AK2: variants seen among roughly 807,000 people sequenced by gnomAD.
AK2 encodes adenylate kinase 2, mitochondrial.
In AK2, 15 loss-of-function variants were observed where a neutral mutation model predicts 24.6. The observed-to-expected ratio is 0.61, with a 90% CI of 0.41 to 0.94. The LOEUF (loss-of-function observed/expected upper bound fraction) is 0.94, where lower values mean the gene tolerates loss of function less well. Ranked by LOEUF, AK2 falls within the 40% of genes least tolerant of loss-of-function variation. AK2 has a pLI of 0.00. For synonymous variants in AK2, 102 were observed against 114.0 expected (o/e 0.90, Z 0.67); for missense variants, 257 against 304.1 (o/e 0.85, Z 1.15).
rs934412181 is a variant in AK2 at position 33,008,954 on chromosome 1, C to G, written c.*4227G>C. The G allele has an allele frequency of 8.8e-6, 4 of 453,914 alleles. No individual in the cohort carries two copies. The highest frequency in any genetic ancestry group is 1.8e-5 in the Non-Finnish European group (4 of 226,798). The allele number at this position is 453,914 out of a possible 1,614,324, so 28.1% of individuals were successfully genotyped here. On this transcript the variant is annotated 3_prime_UTR_variant, in exon 6 of 6. Transcript: ENST00000672715. ...CAGGTTGGTTTGACAAACATTTCCC[C>G]ACAATTAGATGCATGATGACCAAGG...
intron 1 of AK2, among the ~76,000 whole-genome samples, chr1:33,035,157 A>C (rs899504454): frequency 6.6e-6 from 1 of 152,236 alleles, no homozygotes; most frequent in Non-Finnish European, 1.5e-5. Flanking sequence ...TGAGTGTGGC[A>C]GCAACAGGAA....
chr1:33,012,772 C>T lies in AK2; in HGVS notation c.*409G>A, dbSNP rs916450440. 3.6e-5 allele frequency: 35 copies of T among 962,382 alleles called. No individual in the cohort carries two copies. Among genetic ancestry groups the T allele is most frequent in the Non-Finnish European group, 4.8e-5 (33 of 692,224 alleles). The allele number at this position is 962,382 out of a possible 1,614,324, so 59.6% of individuals were successfully genotyped here. A position where few individuals can be genotyped will look rare whatever the true frequency, so the allele number is the denominator to read the frequency against. ...ATCAGCCAGGTGTTGTGGCATGCAC[C>T]TGTAGTCCCAGCTGCTCAGGAGGCT... On this transcript the variant is annotated 3_prime_UTR_variant, in exon 6 of 6. Coordinates refer to ENST00000672715, the MANE Select transcript of AK2 (RefSeq NM_001625.4).
intron 2 of AK2, among the ~76,000 whole-genome samples, chr1:33,023,886 C>T (rs10914643): frequency 0.34 from 52,114 of 152,018 alleles, 9,375 homozygotes; most frequent in African/African-American, 0.44. Context: ...AAAAGTCTTA[C>T]AAGGCCAAGT....
rs140164254 is a variant in AK2 at position 33,034,527 on chromosome 1, T to C, written c.93+2209A>G. Reference sequence around the variant, plus strand: ...TCCAGTATCATTGTGAATGTTTAGTTGATGAGGGCAAGAACTTTATCAGTC... The same window carrying C: ...TCCAGTATCATTGTGAATGTTTAGTCGATGAGGGCAAGAACTTTATCAGTC... On this transcript the variant is annotated intron_variant, in intron 1 of 5. Transcript: ENST00000672715. 4.6e-4 allele frequency among the ~76,000 whole-genome samples: 70 copies of C among 152,064 alleles called. 1 individual carries two copies. The highest frequency in any genetic ancestry group is 1.7e-3 in the African/African-American group (69 of 41,446).
Position 33,009,645 on chromosome 1 carries a change from ATAAC to A in AK2, c.*3532_*3535del, listed in dbSNP as rs1384957224. 1.5e-5 allele frequency: 7 copies of A among 454,024 alleles called. No homozygotes were observed. Among genetic ancestry groups the A allele is most frequent in the African/African-American group, 4.0e-5 (2 of 50,012 alleles). The allele number at this position is 454,024 out of a possible 1,614,324, so 28.1% of individuals were successfully genotyped here. ...AGCTGAGGAAACAGGAGCACAGTGA[ATAAC>A]TAACTGGCTGGGATTTGTCCTAGGT... On this transcript the variant is annotated 3_prime_UTR_variant, in exon 6 of 6. Transcript: ENST00000672715.
At chr1:33,030,903 A>G (rs1247992195) in intron 1 of AK2, 1 of 152,242 alleles carries the variant, frequency 6.6e-6, no homozygotes, top group African/African-American at 2.4e-5. Context: ...GGAGGATTTC[A>G]AAGTGCTGGC....
At position 33,011,212 on chromosome 1, in the gene AK2, G is replaced by A. The variant is rs1326048500; in HGVS notation, c.*1969C>T. The A allele has an allele frequency of 7.6e-7, 1 of 1,309,668 alleles. No homozygotes were observed. Among genetic ancestry groups the A allele is most frequent in the Non-Finnish European group, 9.9e-7 (1 of 1,006,438 alleles). The allele number at this position is 1,309,668 out of a possible 1,614,324, so 81.1% of individuals were successfully genotyped here. On this transcript the variant is annotated 3_prime_UTR_variant, in exon 6 of 6. Coordinates refer to ENST00000672715, the MANE Select transcript of AK2 (RefSeq NM_001625.4). ...ACTTTGAGGCCAAGTGCTTACAATTGTCCCTAGTTAAAGGGGAGCTGATTC... is the reference window on the plus strand; with the variant it reads ...ACTTTGAGGCCAAGTGCTTACAATTATCCCTAGTTAAAGGGGAGCTGATTC...
chr1:33,028,175 TCA>T (rs1165789188), intron 1 of AK2, among the ~76,000 whole-genome samples: 1 of 152,144 alleles, frequency 6.6e-6, no homozygotes, highest in Non-Finnish European at 1.5e-5. Context: ...GAGCAGCCAT[TCA>T]CAGACTCTAA....
At chr1:33,020,027 T>C (rs1639432302) in intron 4 of AK2, 2 of 1,524,796 alleles carry the variant, frequency 1.3e-6, no homozygotes, top group South Asian at 1.2e-5. Context: ...AGTTGAAAGC[T>C]TCTGTCATAC....
At chr1:33,027,970 A>G (rs544734814) in intron 1 of AK2, among the ~76,000 whole-genome samples, 3 of 152,164 alleles carry the variant, frequency 2.0e-5, no homozygotes, top group Non-Finnish European at 4.4e-5. Context: ...AATGGGGATA[A>G]TGACTACTTC....
chr1:33,015,909 C>A (rs980358924), intron 4 of AK2, among the ~76,000 whole-genome samples: 7 of 152,026 alleles, frequency 4.6e-5, no homozygotes, highest in Admixed American at 4.6e-4. Context: ...AATAAAAATT[C>A]TATTCAATTC....
chr1:33,020,201 AC>A, intron 4 of AK2: 1 of 1,201,902 alleles, frequency 8.3e-7, no homozygotes. Context: ...ACACACACAC[AC>A]ACACACACAC....
intron 4 of AK2, among the ~76,000 whole-genome samples, chr1:33,017,805 A>G (rs1639287138): frequency 6.6e-6 from 1 of 152,006 alleles, no homozygotes; most frequent in Non-Finnish European, 1.5e-5. Context: ...CCCAGGCTGG[A>G]GTCCAGTGGC....
intron 4 of AK2, chr1:33,019,844 T>C (rs1481009127): frequency 8.1e-7 from 1 of 1,228,372 alleles, no homozygotes. Context: ...AATAAGGAAA[T>C]AAGTAAACAA....
chr1:33,036,013 T>C (rs1482213227), intron 1 of AK2, among the ~76,000 whole-genome samples: 1 of 152,136 alleles, frequency 6.6e-6, no homozygotes, highest in East Asian at 1.9e-4. Context: ...CTAAAATCAT[T>C]TGCGTCATCC....
chr1:33,010,896 G>A lies in AK2; in HGVS notation c.*2285C>T. ...TTTTAAAAACCAAGTACATATCAGA[G>A]GAGGCTGGCATGTAAGCCCCAGCAA... On this transcript the variant is annotated 3_prime_UTR_variant, in exon 6 of 6. Coordinates refer to ENST00000672715, the MANE Select transcript of AK2 (RefSeq NM_001625.4). 1 of 1,611,088 alleles carries A rather than the reference G, an allele frequency of 6.2e-7. No homozygotes were observed. Among genetic ancestry groups the A allele is most frequent in the South Asian group, 1.1e-5 (1 of 90,352 alleles).
At chr1:33,032,938 C>T (rs1024820384) in intron 1 of AK2, among the ~76,000 whole-genome samples, 1 of 151,944 alleles carries the variant, frequency 6.6e-6, no homozygotes, top group Admixed American at 6.6e-5. Flanking sequence ...CCAAGGTGGG[C>T]GGATCATGAG....
chr1:33,032,297 C>A lies in AK2; in HGVS notation c.93+4439G>T, dbSNP rs114890331. On this transcript the variant is annotated intron_variant, in intron 1 of 5. Transcript: ENST00000672715. ...CATCCAAAGCAGCAATGCCACACAA[C>A]TGCAAGTGACTGCTGCCACACTGGA... 1,039 of 152,432 alleles carry A rather than the reference C, an allele frequency of 6.8e-3. 18 individuals carry two copies. The highest frequency in any genetic ancestry group is 0.023 in the African/African-American group (966 of 41,588). 9.4% of individuals were successfully genotyped at this position (152,432 alleles called of 1,614,324 possible). A position where few individuals can be genotyped will look rare whatever the true frequency, so the allele number is the denominator to read the frequency against.
In AK2 at chr1:33,011,900, G is replaced by T. The variant is rs1022450006; in HGVS notation, c.*1281C>A. Reference sequence around the variant, plus strand: ...AATTAGGGGTGAAGGGTTGGATCTAGAAAGGAGAGGGTTTGGGCTTAAAAA... The same window carrying T: ...AATTAGGGGTGAAGGGTTGGATCTATAAAGGAGAGGGTTTGGGCTTAAAAA... On this transcript the variant is annotated 3_prime_UTR_variant, in exon 6 of 6. Coordinates refer to ENST00000672715, the MANE Select transcript of AK2 (RefSeq NM_001625.4). 4.6e-6 allele frequency: 7 copies of T among 1,531,088 alleles called. No individual in the cohort carries two copies. The highest frequency in any genetic ancestry group is 6.1e-6 in the Non-Finnish European group (7 of 1,145,408). The allele number at this position is 1,531,088 out of a possible 1,614,324, so 94.8% of individuals were successfully genotyped here.
Sources: allele counts gnomAD v4.1 joint callset (sites outside exome capture counted in the v4.1 genomes callset), GRCh38; gene constraint gnomAD v4.1.1; transcripts MANE v1.5; gene names NCBI Gene and HGNC (gene_info 2026-07-23, HGNC 2026-07-21).